Variants in KIF6 observed in about 807,000 individuals in gnomAD.
KIF6 encodes kinesin family member 6.
In KIF6, 106 loss-of-function variants were observed where a neutral mutation model predicts 112.7. The observed-to-expected ratio is 0.94, with a 90% confidence interval of 0.80 to 1.11. The LOEUF is 1.11. Among genes scored for constraint, KIF6 ranks in the 50% least tolerant of loss-of-function variants. KIF6 has a pLI of 0.00. For synonymous variants in KIF6, 339 were observed against 339.9 expected, an observed-to-expected ratio of 1.00 and a Z score of 0.03; for missense variants, 929 against 964.0, an observed-to-expected ratio of 0.96 and a Z score of 0.48.
At chr6:39,620,192 T>C (rs1783738879) in intron 5 of KIF6, among the ~76,000 whole-genome samples, 1 of 152,198 alleles carries the variant, frequency 6.6e-6, no homozygotes, top group Non-Finnish European at 1.5e-5. Flanking sequence ...AACCCACCAC[T>C]TAATGAAATG....
intron 3 of KIF6, among the ~76,000 whole-genome samples, chr6:39,641,382 AC>A (rs1784888973): frequency 1.3e-5 from 2 of 152,074 alleles, no homozygotes; most frequent in Non-Finnish European, 2.9e-5. Flanking sequence ...TTCTCAGCAA[AC>A]TATCGCAAGG....
At chr6:39,558,732 T>C (rs748958488) in intron 10 of KIF6, among the ~76,000 whole-genome samples, 1 of 152,202 alleles carries the variant, frequency 6.6e-6, no homozygotes, top group Non-Finnish European at 1.5e-5. Context: ...GAAAGAGCTG[T>C]CTAGGCCAAA....
Position 39,331,064 on chromosome 6 carries a change from T to G in KIF6, c.*5468A>C, listed in dbSNP as rs2113865765. The G allele has an allele frequency of 6.5e-6, 1 of 152,754 alleles. No homozygotes were observed. The highest frequency in any genetic ancestry group is 1.9e-4 in the East Asian group (1 of 5,180). The allele number at this position is 152,754 out of a possible 1,614,324, so 9.5% of individuals were successfully genotyped here. A position where few individuals can be genotyped will look rare whatever the true frequency, so the allele number is the denominator to read the frequency against. On this transcript the variant is annotated 3_prime_UTR_variant, in exon 23 of 23. Coordinates refer to ENST00000287152, the MANE Select transcript of KIF6 (RefSeq NM_145027.6). ...TCACCCAATACCCAACCTGCCATCATTGTCCTAAGCTTCCCTTCCCTGCTT... is the reference window on the plus strand; with the variant it reads ...TCACCCAATACCCAACCTGCCATCAGTGTCCTAAGCTTCCCTTCCCTGCTT...
intron 19 of KIF6, among the ~76,000 whole-genome samples, chr6:39,356,275 CT>C (rs1206487444): frequency 1.0e-3 from 152 of 145,328 alleles, no homozygotes; most frequent in East Asian, 1.6e-3. Context: ...ACACCTTCTT[CT>C]TTTTTTTTTT....
Position 39,343,832 on chromosome 6 carries a change from G to A in KIF6, c.2322-17C>T. The A allele has an allele frequency of 6.7e-7, 1 of 1,493,866 alleles. No individual in the cohort carries two copies. Among genetic ancestry groups the A allele is most frequent in the Non-Finnish European group, 9.2e-7 (1 of 1,087,056 alleles). 92.5% of individuals were successfully genotyped at this position (1,493,866 alleles called of 1,614,324 possible). On this transcript the variant is annotated splice_polypyrimidine_tract_variant and intron_variant, in intron 21 of 22. Transcript: ENST00000287152. The surrounding 1 kb of genome is among the most constrained non-coding windows in gnomAD (Gnocchi z 4.1). The stretch of plus-strand genomic sequence containing the variant: ...TTGGGGATGCTGGAGGCAACCACGT[G>A]TCACATTTTACTACACTTTACAACT...
chr6:39,585,251 G>A (rs1171016599), intron 8 of KIF6, among the ~76,000 whole-genome samples: 9 of 152,218 alleles, frequency 5.9e-5, no homozygotes, highest in Non-Finnish European at 1.2e-4. Context: ...GGATGAAACT[G>A]TTCCAACTCA....
intron 13 of KIF6, among the ~76,000 whole-genome samples, chr6:39,431,957 A>AT (rs59169231): frequency 0.012 from 1,655 of 141,458 alleles, 10 homozygotes; most frequent in South Asian, 0.044. Context: ...CTATAGAGCC[A>AT]TTTTTTTTTT....
At chr6:39,555,564 G>T (rs1442490808) in intron 10 of KIF6, among the ~76,000 whole-genome samples, 2 of 152,120 alleles carry the variant, frequency 1.3e-5, no homozygotes, top group Admixed American at 6.5e-5. Flanking sequence ...AGTCCCTGAG[G>T]ATTGGCCTAA....
intron 15 of KIF6, among the ~76,000 whole-genome samples, chr6:39,392,499 C>A (rs959562206): frequency 6.6e-6 from 1 of 152,096 alleles, no homozygotes; most frequent in Non-Finnish European, 1.5e-5. Flanking sequence ...GGATACTTAA[C>A]GAGATTAATG....
At chr6:39,529,012 A>T (rs531166104) in intron 13 of KIF6, among the ~76,000 whole-genome samples, 52 of 152,320 alleles carry the variant, frequency 3.4e-4, no homozygotes, top group African/African-American at 9.6e-4. Flanking sequence ...AATGAACCAC[A>T]CATGTAGACT....
At position 39,343,909 on chromosome 6, in the gene KIF6, T is replaced by A; in HGVS notation, c.2322-94A>T. Reference sequence around the variant, plus strand: ...GCTTTTCCATTTTAGGTGACTGATCTCACTCAGAAAGCTACATGACACGGC... The same window carrying A: ...GCTTTTCCATTTTAGGTGACTGATCACACTCAGAAAGCTACATGACACGGC... On this transcript the variant is annotated intron_variant, in intron 21 of 22. Coordinates refer to ENST00000287152, the MANE Select transcript of KIF6 (RefSeq NM_145027.6). The surrounding 1 kb of genome is among the most constrained non-coding windows in gnomAD (Gnocchi z 4.1). 1.5e-6 allele frequency: 1 copy of A among 686,400 alleles called. No homozygotes were observed. Among genetic ancestry groups the A allele is most frequent in the Non-Finnish European group, 2.4e-6 (1 of 409,468 alleles). 42.5% of individuals were successfully genotyped at this position (686,400 alleles called of 1,614,324 possible).
chr6:39,656,536 C>T (rs532910722), intron 3 of KIF6, among the ~76,000 whole-genome samples: 1 of 152,186 alleles, frequency 6.6e-6, no homozygotes, highest in Non-Finnish European at 1.5e-5. Context: ...CTTTCCATAA[C>T]CTGGAATATT....
chr6:39,703,202 ACAAAGCC>A (rs1040186042), intron 3 of KIF6, among the ~76,000 whole-genome samples: 1 of 149,806 alleles, frequency 6.7e-6, no homozygotes, highest in African/African-American at 2.5e-5. Context: ...TGAAGACTGA[ACAAAGCC>A]CACTGATTCA....
At chr6:39,532,948 G>A (rs1473271405) in intron 13 of KIF6, among the ~76,000 whole-genome samples, 4 of 152,188 alleles carry the variant, frequency 2.6e-5, no homozygotes, top group African/African-American at 4.8e-5. Flanking sequence ...AGAAACACAC[G>A]CGAATGAACT....
intron 3 of KIF6, among the ~76,000 whole-genome samples, chr6:39,712,055 A>C (rs1334723201): frequency 6.6e-6 from 1 of 152,136 alleles, no homozygotes; most frequent in African/African-American, 2.4e-5. Context: ...AAAAGCAAGA[A>C]AGGAAAAAAA....
intron 3 of KIF6, among the ~76,000 whole-genome samples, chr6:39,704,750 G>C (rs1789096218): frequency 6.6e-6 from 1 of 152,192 alleles, no homozygotes; most frequent in African/African-American, 2.4e-5. Context: ...TAGTCAATGT[G>C]TTATATGGTC....
Position 39,490,276 on chromosome 6 carries a change from G to A in KIF6, c.1645+49727C>T, listed in dbSNP as rs560004867. Among the ~76,000 whole-genome samples the A allele has an allele frequency of 7.2e-5, 11 of 152,344 alleles. No individual in the cohort carries two copies. In the East Asian group the frequency reaches 2.1e-3, roughly 29 times the overall value. ...AACAGTCTGATCCATGCAGCAGAAG[G>A]CTCCCAGACAATGTGAAAGCAGAAT... On this transcript the variant is annotated intron_variant, in intron 13 of 22. Coordinates refer to ENST00000287152, the MANE Select transcript of KIF6 (RefSeq NM_145027.6).
chr6:39,616,426 T>C (rs1281627641), intron 5 of KIF6, among the ~76,000 whole-genome samples: 1 of 152,204 alleles, frequency 6.6e-6, no homozygotes, highest in Non-Finnish European at 1.5e-5. Flanking sequence ...TTCTTGACCA[T>C]GGAGGTTTTG....
At chr6:39,498,958 T>C (rs1329760355) in intron 13 of KIF6, among the ~76,000 whole-genome samples, 1 of 152,176 alleles carries the variant, frequency 6.6e-6, no homozygotes, top group Non-Finnish European at 1.5e-5. Context: ...AATATGTTAA[T>C]TTAAAAATAA....
Sources: gnomAD v4.1 joint callset for allele counts (sites outside exome capture counted in the v4.1 genomes callset) on GRCh38, gnomAD v4.1.1 for gene constraint, Gnocchi (gnomAD v3.1) non-coding constraint, MANE v1.5 for transcripts, NCBI Gene and HGNC (gene_info 2026-07-23, HGNC 2026-07-21) for gene names.